CRTC3: variants seen among roughly 807,000 people sequenced by gnomAD.
CRTC3 encodes the protein CREB-regulated transcription coactivator 3.
In CRTC3, 26 loss-of-function variants were observed where a neutral mutation model predicts 74.5. That is an observed-to-expected ratio of 0.35 (90% CI 0.26 to 0.48). The LOEUF (loss-of-function observed/expected upper bound fraction) is 0.48. Among genes scored for constraint, CRTC3 ranks in the 20% least tolerant of loss-of-function variants. CRTC3 has a pLI of 0.99. For synonymous variants in CRTC3, 377 were observed against 325.8 expected, an observed-to-expected ratio of 1.16 and a Z score of -1.69; for missense variants, 760 against 787.3, an observed-to-expected ratio of 0.97 and a Z score of 0.41.
chr15:90,634,626 T>C (rs1969165674), intron 11 of CRTC3: 2 of 488,252 alleles, frequency 4.1e-6, no homozygotes, highest in African/African-American at 3.9e-5. Context: ...GGCCTGGTGA[T>C]CCTCAGTGCT....
At chr15:90,604,577 C>T (rs1968168058) in intron 5 of CRTC3, 130 bp downstream of exon 5, 3 of 720,026 alleles carry the variant, frequency 4.2e-6, no homozygotes, top group East Asian at 5.4e-5. Context: ...CAAAACAAAA[C>T]CCACCATTTT....
Position 90,638,640 on chromosome 15 carries a change from G to T in CRTC3, c.1461G>T (p.Pro487=), listed in dbSNP as rs577071454. 43 of 1,613,538 alleles carry T rather than the reference G, an allele frequency of 2.7e-5. No homozygotes were observed. Among genetic ancestry groups the T allele is most frequent in the Non-Finnish European group, 3.5e-5 (41 of 1,179,978 alleles). ...SLPQSDFQLL[P]AQGSSLTNFF... ...CACAGTCAGACTTTCAGCTTCTCCC[G>T]GCCCAGGTGAGTTCTGGCAGGAGCG... is the stretch of plus-strand genomic sequence containing the variant. The change falls in exon 12 of 15, where the codon CCG becomes CCT. Residue 487 remains proline (P), a synonymous_variant. Transcript: ENST00000268184.
At chr15:90,552,018 G>A (rs1001989352) in intron 2 of CRTC3, among the ~76,000 whole-genome samples, 1 of 151,852 alleles carries the variant, frequency 6.6e-6, no homozygotes, top group African/African-American at 2.4e-5. Context: ...TGGGTGTCGT[G>A]GTCTCCTGCT....
intron 2 of CRTC3, among the ~76,000 whole-genome samples, chr15:90,577,342 A>G (rs1398442247): frequency 1.3e-5 from 2 of 152,218 alleles, no homozygotes; most frequent in Non-Finnish European, 2.9e-5. Context: ...GGGTTGGAGA[A>G]GTTGGCCAAA....
chr15:90,535,971 A>T (rs1402073212), intron 1 of CRTC3, among the ~76,000 whole-genome samples: 1 of 152,160 alleles, frequency 6.6e-6, no homozygotes, highest in Non-Finnish European at 1.5e-5. Context: ...TAGCTACTTT[A>T]ATTTCCCTCA....
intron 8 of CRTC3, among the ~76,000 whole-genome samples, chr15:90,619,347 C>T (rs1178160988): frequency 2.0e-5 from 3 of 152,150 alleles, no homozygotes; most frequent in Non-Finnish European, 4.4e-5. Context: ...ATCCCAGCTA[C>T]TCGGGAGGCT....
intron 1 of CRTC3, among the ~76,000 whole-genome samples, chr15:90,531,358 T>G (rs1214054600): frequency 6.6e-6 from 1 of 152,178 alleles, no homozygotes; most frequent in Non-Finnish European, 1.5e-5. Flanking sequence ...GAAAGGGAGC[T>G]GAGCTGAGCT....
In CRTC3 at chr15:90,629,427, G is replaced by A. The variant is rs1246460914; in HGVS notation, c.1161G>A (p.Gln387=). Residue 387 remains glutamine, a synonymous_variant, in exon 11 of 15, where the codon CAG becomes CAA. Coordinates refer to ENST00000268184, the MANE Select transcript of CRTC3 (RefSeq NM_022769.5). Reference sequence around the variant, plus strand: ...TGAGCGGCCCGTCTCGGCGTCGGCAGCCTCCCGTCAGCCCTCTCACGCTTT... The same window carrying A: ...TGAGCGGCCCGTCTCGGCGTCGGCAACCTCCCGTCAGCCCTCTCACGCTTT... ...TNLSGPSRRR[Q]PPVSPLTLSP... The A allele has an allele frequency of 2.5e-6, 4 of 1,613,928 alleles. No homozygotes were observed. In the South Asian group the frequency reaches 4.4e-5, roughly 18 times the overall value.
intron 3 of CRTC3, among the ~76,000 whole-genome samples, chr15:90,601,108 G>A (rs1417863230): frequency 6.6e-6 from 1 of 152,164 alleles, no homozygotes; most frequent in Non-Finnish European, 1.5e-5. Context: ...AGATTTCTTA[G>A]CAGAATAATA....
chr15:90,581,992 G>C (rs1967553053), intron 2 of CRTC3, among the ~76,000 whole-genome samples: 2 of 152,088 alleles, frequency 1.3e-5, no homozygotes, highest in African/African-American at 4.8e-5. Flanking sequence ...CCTGACCCTT[G>C]TGGCCTCCAA....
At chr15:90,602,623 C>T (rs575614855) in intron 4 of CRTC3, among the ~76,000 whole-genome samples, 10 of 149,840 alleles carry the variant, frequency 6.7e-5, no homozygotes, top group East Asian at 2.0e-4. Flanking sequence ...CATAGCAAGA[C>T]GCCATCTCTT....
intron 11 of CRTC3, among the ~76,000 whole-genome samples, chr15:90,636,339 A>T (rs1969235758): frequency 6.9e-6 from 1 of 145,950 alleles, no homozygotes; most frequent in Admixed American, 6.9e-5. Context: ...GGTGCTGGGA[A>T]AACTGGCTAG....
intron 2 of CRTC3, among the ~76,000 whole-genome samples, chr15:90,545,757 T>C (rs1011697387): frequency 9.9e-5 from 15 of 152,130 alleles, no homozygotes; most frequent in African/African-American, 3.6e-4. Context: ...TTTTTGTATT[T>C]TTAGTAGAGA....
intron 2 of CRTC3, among the ~76,000 whole-genome samples, chr15:90,544,467 G>T (rs925593904): frequency 2.6e-5 from 4 of 152,172 alleles, no homozygotes; most frequent in Non-Finnish European, 5.9e-5. Context: ...CCACTACATT[G>T]CATTGATCAG....
At position 90,539,655 on chromosome 15, in the gene CRTC3, C is replaced by T. The variant is rs925157524; in HGVS notation, c.133-384C>T. 4.4e-5 allele frequency: 11 copies of T among 252,554 alleles called. No homozygotes were observed. In the East Asian group the frequency reaches 6.1e-4, roughly 14 times the overall value. 15.6% of individuals were successfully genotyped at this position (252,554 alleles called of 1,614,324 possible). A position where few individuals can be genotyped will look rare whatever the true frequency, so the allele number is the denominator to read the frequency against. On this transcript the variant is annotated intron_variant, in intron 1 of 14. Coordinates refer to ENST00000268184, the MANE Select transcript of CRTC3 (RefSeq NM_022769.5). The stretch of plus-strand genomic sequence containing the variant: ...ATGCAGTTCTTACCATAAATGTAAA[C>T]GGAGGCTGGAAAAGAGCATGAAGAA...
rs776898599 is a variant in CRTC3, at chr15:90,638,691, GCT to G, written c.1468-41_1468-40del. 13 of 1,611,736 alleles carry G rather than the reference GCT, an allele frequency of 8.1e-6. No individual in the cohort carries two copies. In the East Asian group the frequency reaches 2.5e-4, roughly 30 times the overall value. The stretch of plus-strand genomic sequence containing the variant: ...TTGGTGCAGAGGGAATGCTTGTTTT[GCT>G]CTGAGTTCCAAGCTAAATGATCATC... On this transcript the variant is annotated intron_variant, in intron 12 of 14. Transcript: ENST00000268184.
At chr15:90,598,233 G>A (rs900815347) in intron 3 of CRTC3, 35 of 576,210 alleles carry the variant, frequency 6.1e-5, no homozygotes, top group Admixed American at 1.8e-4. Context: ...GCACAGGGAC[G>A]GGAAGCCAAG....
rs576900622 is a variant in CRTC3, at chr15:90,639,481, A to C, written c.1548+666A>C. ...TTTTTTTTTTTTGAGACAGAATCTT[A>C]ATCTGTCGCCTAGGCTGGAGTGCAG... On this transcript the variant is annotated intron_variant, in intron 13 of 14. Coordinates refer to ENST00000268184, the MANE Select transcript of CRTC3 (RefSeq NM_022769.5). 5.9e-4 allele frequency among the ~76,000 whole-genome samples: 82 copies of C among 139,484 alleles called. 1 individual carries two copies. In the South Asian group the frequency reaches 0.016, roughly 27 times the overall value. 91.5% of individuals were successfully genotyped at this position (139,484 alleles called of 152,430 possible). A position where few individuals can be genotyped will look rare whatever the true frequency, so the allele number is the denominator to read the frequency against.
At chr15:90,639,200 C>T (rs1310736421) in intron 13 of CRTC3, among the ~76,000 whole-genome samples, 2 of 152,102 alleles carry the variant, frequency 1.3e-5, no homozygotes, top group African/African-American at 4.8e-5. Context: ...CGCATTTGGC[C>T]TGCACCCAGG....
Sources: gnomAD v4.1 joint callset for allele counts (sites outside exome capture counted in the v4.1 genomes callset) on GRCh38, gnomAD v4.1.1 for gene constraint, MANE v1.5 for transcripts, NCBI Gene and HGNC (gene_info 2026-07-23, HGNC 2026-07-21) for gene names.